ZC3HAV1: variants seen among roughly 807,000 people sequenced by gnomAD.
ZC3HAV1 encodes zinc finger CCCH-type containing, antiviral 1, also known as zinc finger CCCH-type antiviral protein 1.
A neutral mutation model predicts 86.6 loss-of-function variants in ZC3HAV1; 41 were observed. The ratio of observed to expected loss-of-function variants is 0.47; its 90% CI spans 0.37 to 0.61. ZC3HAV1 has a LOEUF of 0.61. Ranked by LOEUF, ZC3HAV1 falls within the 20% of genes least tolerant of loss-of-function variation. The pLI is 0.00. For synonymous variants in ZC3HAV1, 421 were observed against 432.1 expected, an observed-to-expected ratio of 0.97 and a Z score of 0.32; for missense variants, 964 against 1,141.1, an observed-to-expected ratio of 0.84 and a Z score of 2.24.
At chr7:139,049,371 A>G (rs932056108) in intron 12 of ZC3HAV1, 6 of 152,094 alleles carry the variant, frequency 3.9e-5, no homozygotes, top group African/African-American at 1.4e-4. Flanking sequence ...CTCATTGGCC[A>G]TTTGTATTTC....
rs367844812 is a variant in ZC3HAV1, at chr7:139,094,980, C to CTT, written c.309-5223_309-5222dup. 1.3e-3 allele frequency among the ~76,000 whole-genome samples: 172 copies of CTT among 136,152 alleles called. 1 individual carries two copies. Among genetic ancestry groups the CTT allele is most frequent in the African/African-American group, 4.2e-3 (157 of 37,262 alleles). The allele number at this position is 136,152 out of a possible 152,430, so 89.3% of individuals were successfully genotyped here. On this transcript the variant is annotated intron_variant, in intron 1 of 12. Transcript: ENST00000242351. ...ACCAAAAAGAGACAGTAACCCGAGT[C>CTT]TTTTTTTTTTTTTTTTGGACAGTAA...
intron 1 of ZC3HAV1, among the ~76,000 whole-genome samples, chr7:139,097,741 C>T (rs1009568421): frequency 1.3e-5 from 2 of 151,516 alleles, no homozygotes; most frequent in African/African-American, 4.9e-5. Flanking sequence ...GCCGGAACTC[C>T]TTATATTTCT....
chr7:139,062,647 C>T (rs1816478096), intron 8 of ZC3HAV1, among the ~76,000 whole-genome samples: 1 of 152,198 alleles, frequency 6.6e-6, no homozygotes, highest in Non-Finnish European at 1.5e-5. Flanking sequence ...ATCACTGTAT[C>T]CCAGCACCCA....
intron 6 of ZC3HAV1, among the ~76,000 whole-genome samples, chr7:139,075,099 C>G (rs935712383): frequency 6.6e-6 from 1 of 152,098 alleles, no homozygotes; most frequent in Non-Finnish European, 1.5e-5. Context: ...TTCCTGTCAT[C>G]TGTGGATTGA....
chr7:139,079,087 G>GCAGAC (rs1817043499), intron 4 of ZC3HAV1: 2 of 1,535,612 alleles, frequency 1.3e-6, no homozygotes, highest in Non-Finnish European at 1.7e-6. Flanking sequence ...AGGCCCCTTT[G>GCAGAC]TCCTTCAGTG....
intron 1 of ZC3HAV1, among the ~76,000 whole-genome samples, chr7:139,090,400 A>G (rs56374747): frequency 6.6e-6 from 1 of 152,122 alleles, no homozygotes; most frequent in African/African-American, 2.4e-5. Flanking sequence ...TATTATTTTC[A>G]TTATAAACAT....
chr7:139,060,705 A>G, intron 9 of ZC3HAV1: 1 of 1,101,014 alleles, frequency 9.1e-7, no homozygotes, highest in Non-Finnish European at 1.1e-6. Context: ...AATCCACAGC[A>G]AAACAAAAAC....
chr7:139,092,414 T>C (rs1817463431), intron 1 of ZC3HAV1, among the ~76,000 whole-genome samples: 1 of 152,156 alleles, frequency 6.6e-6, no homozygotes, highest in Non-Finnish European at 1.5e-5. Flanking sequence ...AAAAACAAGG[T>C]TGGGCATTAC....
At chr7:139,097,108 G>A (rs964195269) in intron 1 of ZC3HAV1, among the ~76,000 whole-genome samples, 1 of 151,496 alleles carries the variant, frequency 6.6e-6, no homozygotes, top group Non-Finnish European at 1.5e-5. Flanking sequence ...ACTGCACTCC[G>A]GCCTGGGTGA....
chr7:139,066,676 T>C (rs1816616026), intron 7 of ZC3HAV1, among the ~76,000 whole-genome samples: 1 of 152,166 alleles, frequency 6.6e-6, no homozygotes, highest in Non-Finnish European at 1.5e-5. Context: ...CCCTATGCCT[T>C]CCTCGGGCCA....
intron 1 of ZC3HAV1, 54 bp from the exon 2 acceptor site, chr7:139,089,813 C>G: frequency 1.3e-6 from 2 of 1,529,602 alleles, no homozygotes; most frequent in Non-Finnish European, 1.8e-6. Flanking sequence ...TGCAAAGAAA[C>G]AGAAATCAGC....
At chr7:139,062,390 C>T (rs1816467910) in intron 8 of ZC3HAV1, among the ~76,000 whole-genome samples, 1 of 152,226 alleles carries the variant, frequency 6.6e-6, no homozygotes, top group Non-Finnish European at 1.5e-5. Flanking sequence ...TGGTCTGTAC[C>T]TTCCAGCCTT....
chr7:139,076,317 C>T lies in ZC3HAV1; in HGVS notation c.1666G>A (p.Glu556Lys), dbSNP rs1406065020. 2.5e-6 allele frequency: 4 copies of T among 1,614,122 alleles called. No homozygotes were observed. Among genetic ancestry groups the T allele is most frequent in the Non-Finnish European group, 3.4e-6 (4 of 1,180,018 alleles). ...WTDFEHMETI[E>K]KGYCNPGIHL... ...ATTCCGGGGTTACAGTAGCCTTTCT[C>T]GATCGTCTCCATGTGCTCAAAGTCC... The change falls in exon 6 of 13, where the codon GAG (glutamate) becomes AAG (lysine). Residue 556 changes from glutamate (E) to lysine (K), a missense_variant. By Grantham distance (56) the Glu-to-Lys change is moderately conservative. Transcript: ENST00000242351.
At position 139,088,051 on chromosome 7, in the gene ZC3HAV1, A is replaced by G. The variant is rs865803044; in HGVS notation, c.444+1573T>C. 3.6e-3 allele frequency among the ~76,000 whole-genome samples: 546 copies of G among 150,686 alleles called. 2 individuals are homozygous for G. Among genetic ancestry groups the G allele is most frequent in the African/African-American group, 0.012 (496 of 41,028 alleles). ...TGTCTCAAAAAAAAAAAAAAAAAAA[A>G]AAAAGAAAAAAGAAAAAAAAAGTGC... On this transcript the variant is annotated intron_variant, in intron 2 of 12. Transcript: ENST00000242351.
intron 2 of ZC3HAV1, among the ~76,000 whole-genome samples, chr7:139,085,790 A>G (rs1817256400): frequency 6.6e-6 from 1 of 152,128 alleles, no homozygotes; most frequent in Admixed American, 6.6e-5. Context: ...AGGCGGGAGG[A>G]TCACCTGAGG....
chr7:139,058,411 G>A (rs377366977), intron 9 of ZC3HAV1, among the ~76,000 whole-genome samples: 7 of 143,638 alleles, frequency 4.9e-5, no homozygotes, highest in East Asian at 2.1e-4. Context: ...CTGTGATTGC[G>A]CCACTGCACC....
chr7:139,065,338 A>G (rs1329868468), intron 7 of ZC3HAV1, among the ~76,000 whole-genome samples: 1 of 152,240 alleles, frequency 6.6e-6, no homozygotes, highest in Non-Finnish European at 1.5e-5. Context: ...CCACGCCGGC[A>G]TCTGTCATCT....
intron 1 of ZC3HAV1, among the ~76,000 whole-genome samples, chr7:139,100,568 A>G (rs1817722783): frequency 6.6e-6 from 1 of 151,972 alleles, no homozygotes; most frequent in Non-Finnish European, 1.5e-5. Context: ...AAACAAACAA[A>G]AAAAACCACA....
In ZC3HAV1 at chr7:139,097,412, A is replaced by ATTT. The variant is rs1387959860; in HGVS notation, c.309-7654_309-7653insAAA. The stretch of plus-strand genomic sequence containing the variant: ...AAATATTGGAACTCCATATATATAT[A>ATTT]TATATATATATATATATTTTTTTTT... On this transcript the variant is annotated intron_variant, in intron 1 of 12. Coordinates refer to ENST00000242351, the MANE Select transcript of ZC3HAV1 (RefSeq NM_020119.4). Among the ~76,000 whole-genome samples, 106 of 74,324 alleles carry ATTT rather than the reference A, an allele frequency of 1.4e-3. 4 individuals carry two copies. Among genetic ancestry groups the ATTT allele is most frequent in the Non-Finnish European group, 1.9e-3 (82 of 42,194 alleles). 48.8% of individuals were successfully genotyped at this position (74,324 alleles called of 152,430 possible).
Sources: allele counts gnomAD v4.1 joint callset (sites outside exome capture counted in the v4.1 genomes callset), GRCh38; gene constraint gnomAD v4.1.1; transcripts MANE v1.5; gene names NCBI Gene and HGNC (gene_info 2026-07-23, HGNC 2026-07-21).